Variants in PTGES observed in about 807,000 individuals in gnomAD.
PTGES encodes MGST1-like 1.
PTGES carries 3 observed loss-of-function variants against 11.8 expected under a neutral mutation model. That is an observed-to-expected ratio of 0.25 (90% CI 0.12 to 0.66). The LOEUF is 0.66. Ranked by LOEUF, PTGES falls within the 30% of genes least tolerant of loss-of-function variation. The probability of loss-of-function intolerance (pLI) is 0.82; values close to 1 mark genes in which losing one functional copy is unlikely to be tolerated. For synonymous variants in PTGES, 94 were observed against 90.4 expected, an observed-to-expected ratio of 1.04 and a Z score of -0.22; for missense variants, 180 against 213.0, an observed-to-expected ratio of 0.85 and a Z score of 0.96.
intron 1 of PTGES, among the ~76,000 whole-genome samples, chr9:129,751,619 C>T (rs1353028266): frequency 6.6e-6 from 1 of 151,608 alleles, no homozygotes; most frequent in African/African-American, 2.4e-5. Context: ...GTGGAGGTTG[C>T]AGTAAGCAGA....
chr9:129,739,665 G>A lies in PTGES; in HGVS notation c.405C>T (p.Leu135=), dbSNP rs1199290323. The A allele has an allele frequency of 5.1e-6, 8 of 1,557,332 alleles. No individual in the cohort carries two copies. The South Asian group carries it at 7.1e-5, about 14-fold the overall frequency. ...IRSVTYTLAQ[L]PCASMALQIL... The stretch of plus-strand genomic sequence containing the variant: ...TCTGCAGAGCCATGGAGGCGCAGGG[G>A]AGCTGGGCCAGGGTGTAGGTCACGG... Residue 135 remains leucine (L), a synonymous_variant, in exon 3 of 3, where the codon CTC becomes CTT. Transcript: ENST00000340607. The surrounding 1 kb of genome is among the most constrained non-coding windows in gnomAD (Gnocchi z 5.7).
At chr9:129,750,760 C>A (rs980349477) in intron 1 of PTGES, among the ~76,000 whole-genome samples, 1 of 152,172 alleles carries the variant, frequency 6.6e-6, no homozygotes, top group Non-Finnish European at 1.5e-5. Flanking sequence ...GCTGTCACGA[C>A]CCCCGTTTAC....
At position 129,745,547 on chromosome 9, in the gene PTGES, G is replaced by A. The variant is rs34392118; in HGVS notation, c.209+3108C>T. On this transcript the variant is annotated intron_variant, in intron 2 of 2. Coordinates refer to ENST00000340607, the MANE Select transcript of PTGES (RefSeq NM_004878.5). The surrounding 1 kb of genome is among the most constrained non-coding windows in gnomAD (Gnocchi z 4.2). ...TTCTGCACACTCAAGTTTCCATGAG[G>A]TTCTGTGAAATCAGGTGGCAGAGGA... 0.023 allele frequency among the ~76,000 whole-genome samples: 3,520 copies of A among 152,302 alleles called. 71 individuals carry two copies. Among genetic ancestry groups the A allele is most frequent in the Middle Eastern group, 0.065 (19 of 294 alleles).
At chr9:129,740,554 A>G (rs575198087) in intron 2 of PTGES, among the ~76,000 whole-genome samples, 66 of 152,290 alleles carry the variant, frequency 4.3e-4, no homozygotes, top group African/African-American at 1.3e-3. Context: ...TCTTCATTTT[A>G]CACATCCTTT....
chr9:129,747,131 C>T (rs1282638813), intron 2 of PTGES, among the ~76,000 whole-genome samples: 2 of 141,764 alleles, frequency 1.4e-5, no homozygotes, highest in Non-Finnish European at 3.1e-5. Context: ...CAGGCCTGAC[C>T]TCAAGTGATC....
At chr9:129,744,915 C>T (rs1328432653) in intron 2 of PTGES, among the ~76,000 whole-genome samples, 2 of 151,896 alleles carry the variant, frequency 1.3e-5, no homozygotes, top group Admixed American at 6.6e-5. Context: ...CTTCGTGGTG[C>T]AGCCGGAAGG....
intron 1 of PTGES, among the ~76,000 whole-genome samples, chr9:129,751,869 A>G (rs1197385492): frequency 2.0e-5 from 3 of 152,170 alleles, no homozygotes; most frequent in Non-Finnish European, 4.4e-5. Context: ...TCCGGGCCAC[A>G]TTCGGTCCTC....
rs1047902463 is a variant in PTGES at position 129,752,983 on chromosome 9, G to A, written c.30C>T (p.Ser10=). ...AGAGCAGGAAGGCCGGGAGGGCCGGGCTGCTCATCACCAGGCTGTGGGCAG... is the reference window on the plus strand; with the variant it reads ...AGAGCAGGAAGGCCGGGAGGGCCGGACTGCTCATCACCAGGCTGTGGGCAG... The part of the protein sequence containing the change: MPAHSLVMS[S]PALPAFLLCS... Residue 10 remains serine (S), a synonymous_variant, in exon 1 of 3, where the codon AGC becomes AGT. Transcript: ENST00000340607. 3.5e-5 allele frequency: 57 copies of A among 1,609,054 alleles called. No individual in the cohort carries two copies. The highest frequency in any genetic ancestry group is 4.7e-5 in the Non-Finnish European group (55 of 1,180,006).
At chr9:129,742,853 CAG>C (rs1833011440) in intron 2 of PTGES, among the ~76,000 whole-genome samples, 1 of 149,836 alleles carries the variant, frequency 6.7e-6, no homozygotes, top group Non-Finnish European at 1.5e-5. Context: ...GCCTGGGCAA[CAG>C]AGTGAGACTC....
chr9:129,746,581 A>G (rs1041547113), intron 2 of PTGES, among the ~76,000 whole-genome samples: 2 of 148,232 alleles, frequency 1.3e-5, no homozygotes, highest in African/African-American at 5.1e-5. Context: ...AGAAAAACAT[A>G]AGAAAAAAAC....
Position 129,747,752 on chromosome 9 carries a change from G to C in PTGES, c.209+903C>G, listed in dbSNP as rs531653100. ...AGGCCGGGTGCGGTGGCTCATGCCT[G>C]TAATCCTAGCAGTTTGGGAGGCCGA... On this transcript the variant is annotated intron_variant, in intron 2 of 2. Transcript: ENST00000340607. Among the ~76,000 whole-genome samples the C allele has an allele frequency of 3.9e-5, 6 of 152,184 alleles. No homozygotes were observed. In the East Asian group the frequency reaches 1.2e-3, roughly 29 times the overall value.
At position 129,753,016 on chromosome 9, in the gene PTGES, T is replaced by G; in HGVS notation, c.-4A>C. The G allele has an allele frequency of 1.2e-6, 2 of 1,602,944 alleles. No homozygotes were observed. The highest frequency in any genetic ancestry group is 2.2e-5 in the East Asian group (1 of 44,858). On this transcript the variant is annotated 5_prime_UTR_variant, in exon 1 of 3. Coordinates refer to ENST00000340607, the MANE Select transcript of PTGES (RefSeq NM_004878.5). ...TCACCAGGCTGTGGGCAGGCATCTC[T>G]GGCCAGCGCAGCTCAACTGTGGGTG...
intron 2 of PTGES, among the ~76,000 whole-genome samples, chr9:129,740,454 A>C (rs1832984738): frequency 6.6e-6 from 1 of 151,986 alleles, no homozygotes; most frequent in African/African-American, 2.4e-5. Context: ...TTCCCCCTAA[A>C]TCTAACTACC....
chr9:129,739,706 G>A lies in PTGES; in HGVS notation c.364C>T (p.Arg122Trp), dbSNP rs200699569. ...AHTVAYLGKL[R>W]APIRSVTYTL... ...TAGGTCACGGAGCGGATGGGTGCCC[G>A]CAGCTTCCCCAGGTAGGCCACGGTG... Residue 122 changes from arginine (R) to tryptophan (W), a missense_variant, in exon 3 of 3, where the codon CGG becomes TGG. Arg to Trp is a moderately radical substitution (Grantham distance 101). Coordinates refer to ENST00000340607, the MANE Select transcript of PTGES (RefSeq NM_004878.5). The surrounding 1 kb of genome is among the most constrained non-coding windows in gnomAD (Gnocchi z 5.7). 12 of 1,570,910 alleles carry A rather than the reference G, an allele frequency of 7.6e-6. No homozygotes were observed. The highest frequency in any genetic ancestry group is 3.7e-5 in the Admixed American group (2 of 53,530).
chr9:129,739,868 G>A lies in PTGES; in HGVS notation c.210-8C>T. ...ATGTCGTTCCGGTGGGCCCTGGGGAGACAAGAGGGGTGCGGTCAGCCAGGT... is the reference window on the plus strand; with the variant it reads ...ATGTCGTTCCGGTGGGCCCTGGGGAAACAAGAGGGGTGCGGTCAGCCAGGT... On this transcript the variant is annotated splice_region_variant and splice_polypyrimidine_tract_variant and intron_variant, in intron 2 of 2. Transcript: ENST00000340607. This position sits in a 1 kb window ranked among gnomAD's most constrained non-coding sequence, Gnocchi z 5.7. 3.8e-6 allele frequency: 6 copies of A among 1,563,234 alleles called. No homozygotes were observed. Among genetic ancestry groups the A allele is most frequent in the Non-Finnish European group, 5.2e-6 (6 of 1,153,044 alleles).
intron 2 of PTGES, among the ~76,000 whole-genome samples, chr9:129,743,963 T>C (rs1833025571): frequency 6.6e-6 from 1 of 152,176 alleles, no homozygotes; most frequent in South Asian, 2.1e-4. Flanking sequence ...ATTTTCGTGC[T>C]TCAGCCTCCT....
At chr9:129,741,264 A>G (rs1177624033) in intron 2 of PTGES, among the ~76,000 whole-genome samples, 4 of 152,222 alleles carry the variant, frequency 2.6e-5, no homozygotes, top group Non-Finnish European at 5.9e-5. Context: ...AGCATGTTCA[A>G]TGTGCAGAAA....
chr9:129,749,235 C>T (rs1300575083), intron 1 of PTGES, among the ~76,000 whole-genome samples: 2 of 151,906 alleles, frequency 1.3e-5, no homozygotes, highest in Non-Finnish European at 2.9e-5. Flanking sequence ...CTAAAACAAG[C>T]CAGGTGTGGT....
rs1833040916 is a variant in PTGES at position 129,745,526 on chromosome 9, G to A, written c.209+3129C>T. Among the ~76,000 whole-genome samples, 1 of 152,170 alleles carries A rather than the reference G, an allele frequency of 6.6e-6. No individual in the cohort carries two copies. The highest frequency in any genetic ancestry group is 1.5e-5 in the Non-Finnish European group (1 of 68,038). On this transcript the variant is annotated intron_variant, in intron 2 of 2. Coordinates refer to ENST00000340607, the MANE Select transcript of PTGES (RefSeq NM_004878.5). This position sits in a 1 kb window ranked among gnomAD's most constrained non-coding sequence, Gnocchi z 4.2. ...CAGGATATAGAATTCTCTTAGTTCTGCACACTCAAGTTTCCATGAGGTTCT... is the reference window on the plus strand; with the variant it reads ...CAGGATATAGAATTCTCTTAGTTCTACACACTCAAGTTTCCATGAGGTTCT...
Sources: gnomAD v4.1 joint callset for allele counts (sites outside exome capture counted in the v4.1 genomes callset) on GRCh38, gnomAD v4.1.1 for gene constraint, Gnocchi (gnomAD v3.1) non-coding constraint, MANE v1.5 for transcripts, NCBI Gene and HGNC (gene_info 2026-07-23, HGNC 2026-07-21) for gene names.